The following PCYOX1 variants were observed in gnomAD, a reference collection of about 807,000 sequenced individuals.
PCYOX1 encodes the protein prenylcysteine oxidase 1, also known as prenylcysteine lyase.
In PCYOX1, 46 loss-of-function variants were observed where a neutral mutation model predicts 46.4. That is an observed-to-expected ratio of 0.99 (90% CI 0.78 to 1.27). PCYOX1 has a LOEUF of 1.27. Among genes scored for constraint, PCYOX1 ranks in the 50% most tolerant of loss-of-function variants. The probability of loss-of-function intolerance (pLI) is 0.00; values close to 1 mark genes in which losing one functional copy is unlikely to be tolerated. For synonymous variants in PCYOX1, 220 were observed against 231.8 expected (o/e 0.95, Z 0.46); for missense variants, 658 against 628.3 (o/e 1.05, Z -0.51).
chr2:70,260,594 A>G (rs1696421638), intron 2 of PCYOX1, among the ~76,000 whole-genome samples: 2 of 152,214 alleles, frequency 1.3e-5, no homozygotes, highest in Non-Finnish European at 2.9e-5. Flanking sequence ...GGATGCAGAC[A>G]CGTGCCTAGA....
chr2:70,258,410 C>T (rs977533341), intron 1 of PCYOX1, 134 bp downstream of exon 1: 5 of 560,670 alleles, frequency 8.9e-6, no homozygotes, highest in Non-Finnish European at 1.5e-5. Context: ...GCAGGTCGCG[C>T]TTTCCCCCAT....
chr2:70,258,080 G>A (rs1696370175), upstream of PCYOX1: 1 of 1,142,150 alleles, frequency 8.8e-7, no homozygotes, highest in Non-Finnish European at 1.2e-6. Flanking sequence ...GGCGGCCTGG[G>A]GGCGGGGCTG....
chr2:70,267,415 C>T (rs116108222), intron 3 of PCYOX1, among the ~76,000 whole-genome samples: 3,384 of 152,206 alleles, frequency 0.022, 140 homozygotes, highest in African/African-American at 0.077. Context: ...GCAATCTCAG[C>T]ACTTTTGGGA....
At chr2:70,270,888 CGGCTAATTTT>C (rs1272759376) in intron 3 of PCYOX1, among the ~76,000 whole-genome samples, 1 of 151,948 alleles carries the variant, frequency 6.6e-6, no homozygotes, top group Admixed American at 6.6e-5. Context: ...CCACTACGCC[CGGCTAATTTT>C]GTATTTTTAG....
intron 2 of PCYOX1, among the ~76,000 whole-genome samples, chr2:70,260,503 C>G (rs1186875550): frequency 2.6e-5 from 4 of 152,202 alleles, no homozygotes; most frequent in Non-Finnish European, 4.4e-5. Flanking sequence ...TTGCATGCCA[C>G]TGCACTCCAG....
At chr2:70,261,134 C>T (rs147373615) in intron 2 of PCYOX1, 78 bp from the exon 3 acceptor site, 14 of 900,542 alleles carry the variant, frequency 1.6e-5, no homozygotes, top group Non-Finnish European at 2.2e-5. Context: ...GAGGGAAGCC[C>T]CAAATTCACT....
At position 70,277,155 on chromosome 2, in the gene PCYOX1, T is replaced by C. The variant is rs1205766580; in HGVS notation, c.1281T>C (p.Tyr427=). ...TAAAGCTCTTTCTGTCCTATGATTATGCTGTGAAGAAGCCATGGCTTGCAT... is the reference window on the plus strand; with the variant it reads ...TAAAGCTCTTTCTGTCCTATGATTACGCTGTGAAGAAGCCATGGCTTGCAT... ...QILKLFLSYD[Y]AVKKPWLAYP... The change falls in exon 6 of 6, where the codon TAT becomes TAC. Residue 427 remains tyrosine (Y), a synonymous_variant. Coordinates refer to ENST00000433351, the MANE Select transcript of PCYOX1 (RefSeq NM_016297.4). 1 of 1,614,166 alleles carries C rather than the reference T, an allele frequency of 6.2e-7. No individual in the cohort carries two copies.
At chr2:70,275,455 G>GGGTAGGGAGAGTT in intron 4 of PCYOX1, 59 bp from the exon 5 acceptor site, 1 of 1,528,962 alleles carries the variant, frequency 6.5e-7, no homozygotes, top group Non-Finnish European at 9.0e-7. Context: ...AAGGGAGAGT[G>GGGTAGGGAGAGTT]GGTAGAGAGC....
chr2:70,263,365 A>G (rs1696467310), intron 3 of PCYOX1, among the ~76,000 whole-genome samples: 1 of 152,176 alleles, frequency 6.6e-6, no homozygotes, highest in Non-Finnish European at 1.5e-5. Flanking sequence ...CCTTAAGTCC[A>G]TCTACAGTGC....
chr2:70,270,584 T>C (rs983382401), intron 3 of PCYOX1, among the ~76,000 whole-genome samples: 6 of 152,234 alleles, frequency 3.9e-5, no homozygotes. Context: ...GCATTGCTTT[T>C]ACCTCTACCG....
upstream of PCYOX1, chr2:70,258,124 C>T (rs1475485380): frequency 1.3e-6 from 2 of 1,491,020 alleles, no homozygotes; most frequent in African/African-American, 1.4e-5. Flanking sequence ...GGTGGGAGGA[C>T]TGCGGGGCTC....
At chr2:70,258,798 T>C (rs893327103) in intron 1 of PCYOX1, among the ~76,000 whole-genome samples, 9 of 152,244 alleles carry the variant, frequency 5.9e-5, no homozygotes, top group Admixed American at 3.9e-4. Context: ...TCAGAGGCCC[T>C]TGGCTTGCAC....
rs1193311301 is a variant in PCYOX1 at position 70,259,398 on chromosome 2, T to C, written c.151T>C (p.Tyr51His). The C allele has an allele frequency of 2.5e-6, 4 of 1,614,196 alleles. No homozygotes were observed. The East Asian group carries it at 8.9e-5, about 36-fold the overall frequency. ...CGGAATTGGTGGCACTTCAGCAGCC[T>C]ATTACCTGCGGCAGAAATTTGGGAA... ...GAGIGGTSAA[Y>H]YLRQKFGKDV... Residue 51 changes from tyrosine (Y) to histidine (H), a missense_variant, in exon 2 of 6, where the codon TAT becomes CAT. Physicochemically the swap from Tyr to His is moderately conservative, Grantham distance 83. Transcript: ENST00000433351.
At chr2:70,272,342 G>T (rs1446592297) in intron 3 of PCYOX1, among the ~76,000 whole-genome samples, 1 of 152,032 alleles carries the variant, frequency 6.6e-6, no homozygotes, top group African/African-American at 2.4e-5. Context: ...GGCCAGGCTG[G>T]TCTCAAACTC....
chr2:70,271,352 G>A (rs899015759), intron 3 of PCYOX1, among the ~76,000 whole-genome samples: 7 of 148,360 alleles, frequency 4.7e-5, no homozygotes, highest in Non-Finnish European at 1.5e-5. Flanking sequence ...TAGCTACTGC[G>A]CTCCAAAATT....
chr2:70,277,312 C>T lies in PCYOX1; in HGVS notation c.1438C>T (p.Leu480Phe). The change falls in exon 6 of 6, where the codon CTT becomes TTT. Residue 480 changes from leucine (L) to phenylalanine (F), a missense_variant. Leu to Phe is a conservative substitution (Grantham distance 22). Transcript: ENST00000433351. ...SAIAAHNAAL[L>F]AYHRWNGHTD... ...CATTGCAGCCCACAACGCTGCACTCCTTGCCTATCACCGCTGGAACGGGCA... is the reference window on the plus strand; with the variant it reads ...CATTGCAGCCCACAACGCTGCACTCTTTGCCTATCACCGCTGGAACGGGCA... 1 of 1,614,038 alleles carries T rather than the reference C, an allele frequency of 6.2e-7. No homozygotes were observed. Among genetic ancestry groups the T allele is most frequent in the Non-Finnish European group, 8.5e-7 (1 of 1,179,908 alleles).
At chr2:70,260,257 G>A (rs1696417337) in intron 2 of PCYOX1, among the ~76,000 whole-genome samples, 1 of 152,162 alleles carries the variant, frequency 6.6e-6, no homozygotes, top group Non-Finnish European at 1.5e-5. Flanking sequence ...ACTCACATAT[G>A]GCCATGGCCA....
In PCYOX1 at chr2:70,280,436, C is replaced by T. The variant is rs1283448888; in HGVS notation, c.*3044C>T. 1 of 152,072 alleles carries T rather than the reference C, an allele frequency of 6.6e-6. No individual in the cohort carries two copies. The highest frequency in any genetic ancestry group is 1.5e-5 in the Non-Finnish European group (1 of 68,018). 9.4% of individuals were successfully genotyped at this position (152,072 alleles called of 1,614,324 possible). A position where few individuals can be genotyped will look rare whatever the true frequency, so the allele number is the denominator to read the frequency against. ...ATGAAAGCCAGCTCTGCTCCAGTGGCTCTCTGAGTTGAGCATGCATCAGTT... is the reference window on the plus strand; with the variant it reads ...ATGAAAGCCAGCTCTGCTCCAGTGGTTCTCTGAGTTGAGCATGCATCAGTT... On this transcript the variant is annotated 3_prime_UTR_variant, in exon 6 of 6. Transcript: ENST00000433351.
At position 70,277,292 on chromosome 2, in the gene PCYOX1, C is replaced by T. The variant is rs763063296; in HGVS notation, c.1418C>T (p.Ala473Val). ...AGTGCCATGGAGATGAGTGCCATTG[C>T]AGCCCACAACGCTGCACTCCTTGCC... ...AASAMEMSAIAAHNAALLAYH... is the reference protein window; with the variant it reads ...AASAMEMSAIVAHNAALLAYH... Residue 473 changes from alanine (A) to valine (V), a missense_variant, in exon 6 of 6, where the codon GCA (alanine) becomes GTA (valine). Ala to Val is a moderately conservative substitution (Grantham distance 64). Transcript: ENST00000433351. The T allele has an allele frequency of 2.0e-5, 32 of 1,613,906 alleles. 1 individual carries two copies. The Admixed American group carries it at 4.7e-4, about 24-fold the overall frequency.
Sources: gnomAD v4.1 joint callset for allele counts (sites outside exome capture counted in the v4.1 genomes callset) on GRCh38, gnomAD v4.1.1 for gene constraint, MANE v1.5 for transcripts, NCBI Gene and HGNC (gene_info 2026-07-23, HGNC 2026-07-21) for gene names.